The following ACTRT2 variants were observed in gnomAD, a reference collection of about 807,000 sequenced individuals.
ACTRT2 encodes the protein actin related protein T2.
A neutral mutation model predicts 1.2 loss-of-function variants in ACTRT2; 1 was observed. The observed-to-expected ratio is 0.80, with a 90% CI of 0.29 to 3.81. ACTRT2 has a LOEUF of 3.81. Among genes scored for constraint, ACTRT2 ranks in the 30% most tolerant of loss-of-function variants. ACTRT2 has a pLI of 0.18. For missense variants in ACTRT2, 488 were observed against 497.9 expected (o/e 0.98, Z 0.19); for synonymous variants, 262 against 228.9 (o/e 1.14, Z -1.30).
In ACTRT2 at chr1:3,022,326, G is replaced by A. The variant is rs780802847; in HGVS notation, c.640G>A (p.Asp214Asn). The A allele has an allele frequency of 1.2e-6, 2 of 1,612,822 alleles. No individual in the cohort carries two copies. The highest frequency in any genetic ancestry group is 1.7e-6 in the Non-Finnish European group (2 of 1,180,022). Residue 214 changes from aspartate (D) to asparagine (N), a missense_variant, in exon 1 of 1, where the codon GAC (aspartate) becomes AAC (asparagine). Coordinates refer to ENST00000378404, the MANE Select transcript of ACTRT2 (RefSeq NM_080431.5). The surrounding 1 kb of genome is among the most constrained non-coding windows in gnomAD (Gnocchi z 7.7). ...CTGCCAGCTGGACAAGGGTCTCGTG[G>A]ACGACATCAAAAAGAAGCTGTGCTA... ...FPCQLDKGLV[D>N]DIKKKLCYVA...
rs770631081 is a variant in ACTRT2 at position 3,022,666 on chromosome 1, C to T, written c.980C>T (p.Thr327Ile). ...KELEQLASKD[T>I]PIKITAPPDR... The stretch of plus-strand genomic sequence containing the variant: ...CTGGAGCAGCTGGCCTCCAAGGACA[C>T]CCCCATCAAGATCACGGCTCCCCCC... The change falls in exon 1 of 1, where the codon ACC becomes ATC. Residue 327 changes from threonine to isoleucine, a missense_variant. Coordinates refer to ENST00000378404, the MANE Select transcript of ACTRT2 (RefSeq NM_080431.5). This position sits in a 1 kb window ranked among gnomAD's most constrained non-coding sequence, Gnocchi z 7.7. The T allele has an allele frequency of 6.2e-7, 1 of 1,613,356 alleles. No individual in the cohort carries two copies.
At position 3,022,261 on chromosome 1, in the gene ACTRT2, T is replaced by C. The variant is rs1570151260; in HGVS notation, c.575T>C (p.Leu192Pro). ...LHVAGRDITELLMQLLLASGH... is the reference protein window; with the variant it reads ...LHVAGRDITEPLMQLLLASGH... ...GTGGCGGGCAGGGACATCACGGAGC[T>C]CCTCATGCAGCTGCTCCTGGCCAGC... The change falls in exon 1 of 1, where the codon CTC (leucine) becomes CCC (proline). Residue 192 changes from leucine (L) to proline (P), a missense_variant. Leu to Pro is a moderately conservative substitution (Grantham distance 98). Transcript: ENST00000378404. This position sits in a 1 kb window ranked among gnomAD's most constrained non-coding sequence, Gnocchi z 7.7. 6.2e-7 allele frequency: 1 copy of C among 1,612,518 alleles called. No individual in the cohort carries two copies. Among genetic ancestry groups the C allele is most frequent in the African/African-American group, 1.3e-5 (1 of 74,846 alleles).
At position 3,022,148 on chromosome 1, in the gene ACTRT2, C is replaced by T. The variant is rs1641084252; in HGVS notation, c.462C>T (p.Gly154=). The change falls in exon 1 of 1, where the codon GGC becomes GGT. Residue 154 remains glycine, a synonymous_variant. Coordinates refer to ENST00000378404, the MANE Select transcript of ACTRT2 (RefSeq NM_080431.5). This position sits in a 1 kb window ranked among gnomAD's most constrained non-coding sequence, Gnocchi z 7.7. ...LALYASACVT[G]LVVDSGDAVT... is the part of the protein sequence containing the mutation. Reference sequence around the variant, plus strand: ...TCTACGCCTCTGCCTGTGTCACGGGCCTGGTGGTGGACAGCGGGGATGCGG... The same window carrying T: ...TCTACGCCTCTGCCTGTGTCACGGGTCTGGTGGTGGACAGCGGGGATGCGG... 1 of 1,613,084 alleles carries T rather than the reference C, an allele frequency of 6.2e-7. No homozygotes were observed. Among genetic ancestry groups the T allele is most frequent in the Admixed American group, 1.7e-5 (1 of 60,012 alleles).
rs1172660800 is a variant in ACTRT2 at position 3,022,735 on chromosome 1, C to T, written c.1049C>T (p.Ser350Phe). Residue 350 changes from serine (S) to phenylalanine (F), a missense_variant, in exon 1 of 1, where the codon TCT becomes TTT. Coordinates refer to ENST00000378404, the MANE Select transcript of ACTRT2 (RefSeq NM_080431.5). This position sits in a 1 kb window ranked among gnomAD's most constrained non-coding sequence, Gnocchi z 7.7. ...TGGATTGGAGCCTCCATCGTCACCTCTCTGAGTAGCTTCAAGCAGATGTGG... is the reference window on the plus strand; with the variant it reads ...TGGATTGGAGCCTCCATCGTCACCTTTCTGAGTAGCTTCAAGCAGATGTGG... Reference protein sequence around the residue: ...STWIGASIVTSLSSFKQMWVT... With the variant: ...STWIGASIVTFLSSFKQMWVT... The T allele has an allele frequency of 1.2e-6, 2 of 1,613,624 alleles. No homozygotes were observed. Among genetic ancestry groups the T allele is most frequent in the African/African-American group, 2.7e-5 (2 of 74,898 alleles).
Position 3,022,460 on chromosome 1 carries a change from G to A in ACTRT2, c.774G>A (p.Gln258=). Residue 258 remains glutamine (Q), a synonymous_variant, in exon 1 of 1, where the codon CAG becomes CAA. Transcript: ENST00000378404. The surrounding 1 kb of genome is among the most constrained non-coding windows in gnomAD (Gnocchi z 7.7). ...TCAGCCTCGGGGACCCGCTGCACCA[G>A]GCGCCCGAGGCCCTGTTCGTGCCCC... ...NIISLGDPLH[Q]APEALFVPQQ... The A allele has an allele frequency of 6.2e-7, 1 of 1,612,870 alleles. No individual in the cohort carries two copies.
Position 3,022,638 on chromosome 1 carries a change from G to A in ACTRT2, c.952G>A (p.Glu318Lys), listed in dbSNP as rs758905290. The A allele has an allele frequency of 1.2e-6, 2 of 1,613,198 alleles. No homozygotes were observed. Among genetic ancestry groups the A allele is most frequent in the South Asian group, 2.2e-5 (2 of 91,086 alleles). ...CGGGCTGGATGACCGGCTTCTCAAG[G>A]AGCTGGAGCAGCTGGCCTCCAAGGA... is the stretch of plus-strand genomic sequence containing the variant. ...FHGLDDRLLK[E>K]LEQLASKDTP... The change falls in exon 1 of 1, where the codon GAG becomes AAG. Residue 318 changes from glutamate to lysine, a missense_variant. By Grantham distance (56) the Glu-to-Lys change is moderately conservative (BLOSUM62 1). Coordinates refer to ENST00000378404, the MANE Select transcript of ACTRT2 (RefSeq NM_080431.5). This position sits in a 1 kb window ranked among gnomAD's most constrained non-coding sequence, Gnocchi z 7.7.
rs1570150138 is a variant in ACTRT2 at position 3,021,577 on chromosome 1, A to G, written c.-110A>G. On this transcript the variant is annotated 5_prime_UTR_variant, in exon 1 of 1. Transcript: ENST00000378404. Reference sequence around the variant, plus strand: ...CGGGCACGGTGCTAGCCCTGCCTTGAGACACCCCGAGAGCTGTGGGAAGAG... The same window carrying G: ...CGGGCACGGTGCTAGCCCTGCCTTGGGACACCCCGAGAGCTGTGGGAAGAG... 3.5e-6 allele frequency: 5 copies of G among 1,447,120 alleles called. No individual in the cohort carries two copies. The East Asian group carries it at 1.1e-4, about 33-fold the overall frequency. The allele number at this position is 1,447,120 out of a possible 1,614,324, so 89.6% of individuals were successfully genotyped here.
Position 3,022,616 on chromosome 1 carries a change from G to C in ACTRT2, c.930G>C (p.Gly310=). The change falls in exon 1 of 1, where the codon GGG becomes GGC. Residue 310 remains glycine (G), a synonymous_variant. Coordinates refer to ENST00000378404, the MANE Select transcript of ACTRT2 (RefSeq NM_080431.5). The surrounding 1 kb of genome is among the most constrained non-coding windows in gnomAD (Gnocchi z 7.7). ...VLSGGTTLFH[G]LDDRLLKELE... ...CGGGGGGCACTACCCTGTTCCACGG[G>C]CTGGATGACCGGCTTCTCAAGGAGC... 6.2e-7 allele frequency: 1 copy of C among 1,613,170 alleles called. No homozygotes were observed. Among genetic ancestry groups the C allele is most frequent in the South Asian group, 1.1e-5 (1 of 91,078 alleles).
Position 3,022,761 on chromosome 1 carries a change from G to A in ACTRT2, c.1075G>A (p.Val359Ile). The change falls in exon 1 of 1, where the codon GTC becomes ATC. Residue 359 changes from valine (V) to isoleucine (I), a missense_variant. By Grantham distance (29) the Val-to-Ile change is conservative. Coordinates refer to ENST00000378404, the MANE Select transcript of ACTRT2 (RefSeq NM_080431.5). This position sits in a 1 kb window ranked among gnomAD's most constrained non-coding sequence, Gnocchi z 7.7. ...TSLSSFKQMWVTAADFKEFGT... is the reference protein window; with the variant it reads ...TSLSSFKQMWITAADFKEFGT... Reference sequence around the variant, plus strand: ...TCTGAGTAGCTTCAAGCAGATGTGGGTCACCGCCGCAGACTTCAAGGAGTT... The same window carrying A: ...TCTGAGTAGCTTCAAGCAGATGTGGATCACCGCCGCAGACTTCAAGGAGTT... The A allele has an allele frequency of 6.2e-7, 1 of 1,613,846 alleles. No individual in the cohort carries two copies. The highest frequency in any genetic ancestry group is 8.5e-7 in the Non-Finnish European group (1 of 1,180,028).
In ACTRT2 at chr1:3,022,144, C is replaced by G. The variant is rs746811627; in HGVS notation, c.458C>G (p.Thr153Arg). ...VLALYASACV[T>R]GLVVDSGDAV... ...GCTCTCTACGCCTCTGCCTGTGTCA[C>G]GGGCCTGGTGGTGGACAGCGGGGAT... The change falls in exon 1 of 1, where the codon ACG becomes AGG. Residue 153 changes from threonine to arginine, a missense_variant. Coordinates refer to ENST00000378404, the MANE Select transcript of ACTRT2 (RefSeq NM_080431.5). This position sits in a 1 kb window ranked among gnomAD's most constrained non-coding sequence, Gnocchi z 7.7. 9.3e-6 allele frequency: 15 copies of G among 1,613,064 alleles called. No homozygotes were observed. The highest frequency in any genetic ancestry group is 1.7e-5 in the Admixed American group (1 of 60,008).
At position 3,021,596 on chromosome 1, in the gene ACTRT2, G is replaced by A; in HGVS notation, c.-91G>A. 2 of 1,503,252 alleles carry A rather than the reference G, an allele frequency of 1.3e-6. No homozygotes were observed. The highest frequency in any genetic ancestry group is 1.3e-5 in the South Asian group (1 of 75,822). 93.1% of individuals were successfully genotyped at this position (1,503,252 alleles called of 1,614,324 possible). On this transcript the variant is annotated 5_prime_UTR_variant, in exon 1 of 1. Transcript: ENST00000378404. ...GCCTTGAGACACCCCGAGAGCTGTG[G>A]GAAGAGCTGTGGGATCCCCTATTGC...
chr1:3,021,503 C>T lies in ACTRT2; in HGVS notation c.-184C>T, dbSNP rs945374028. The T allele has an allele frequency of 1.1e-5, 9 of 799,368 alleles. No individual in the cohort carries two copies. The highest frequency in any genetic ancestry group is 1.7e-5 in the Non-Finnish European group (9 of 520,650). The allele number at this position is 799,368 out of a possible 1,614,324, so 49.5% of individuals were successfully genotyped here. A position where few individuals can be genotyped will look rare whatever the true frequency, so the allele number is the denominator to read the frequency against. On this transcript the variant is annotated 5_prime_UTR_variant, in exon 1 of 1. Transcript: ENST00000378404. ...CCCCTGGAAGAGGCCTCAGCAGGCC[C>T]AGGCCACCTGGAGGGAGAGCAGACC... is the stretch of plus-strand genomic sequence containing the variant.
rs1290058663 is a variant in ACTRT2, at chr1:3,022,445, G to A, written c.759G>A (p.Gly253=). ...CCGACGGGAACATCATCAGCCTCGG[G>A]GACCCGCTGCACCAGGCGCCCGAGG... is the stretch of plus-strand genomic sequence containing the variant. ...KLPDGNIISL[G]DPLHQAPEAL... Residue 253 remains glycine (G), a synonymous_variant, in exon 1 of 1, where the codon GGG becomes GGA. Coordinates refer to ENST00000378404, the MANE Select transcript of ACTRT2 (RefSeq NM_080431.5). This position sits in a 1 kb window ranked among gnomAD's most constrained non-coding sequence, Gnocchi z 7.7. 5.6e-6 allele frequency: 9 copies of A among 1,612,772 alleles called. No homozygotes were observed. In the East Asian group the frequency reaches 6.7e-5, roughly 12 times the overall value.
chr1:3,021,486 A>G lies in ACTRT2; in HGVS notation c.-201A>G. 1.6e-6 allele frequency: 1 copy of G among 627,760 alleles called. No individual in the cohort carries two copies. The highest frequency in any genetic ancestry group is 2.7e-6 in the Non-Finnish European group (1 of 376,266). 38.9% of individuals were successfully genotyped at this position (627,760 alleles called of 1,614,324 possible). A position where few individuals can be genotyped will look rare whatever the true frequency, so the allele number is the denominator to read the frequency against. ...GGAGACAACCCCCTGGCCCCCTGGA[A>G]GAGGCCTCAGCAGGCCCAGGCCACC... On this transcript the variant is annotated 5_prime_UTR_variant, in exon 1 of 1. Transcript: ENST00000378404.
Position 3,021,631 on chromosome 1 carries a change from C to A in ACTRT2, c.-56C>A, listed in dbSNP as rs1204668895. The A allele has an allele frequency of 3.9e-6, 6 of 1,552,206 alleles. No individual in the cohort carries two copies. The highest frequency in any genetic ancestry group is 2.7e-5 in the African/African-American group (2 of 72,944). On this transcript the variant is annotated 5_prime_UTR_variant, in exon 1 of 1. Coordinates refer to ENST00000378404, the MANE Select transcript of ACTRT2 (RefSeq NM_080431.5). ...TGGGATCCCCTATTGCATCACAAAGCGGCCCTGGAGGGCTGGTCTTTATTT... is the reference window on the plus strand; with the variant it reads ...TGGGATCCCCTATTGCATCACAAAGAGGCCCTGGAGGGCTGGTCTTTATTT...
Position 3,022,206 on chromosome 1 carries a change from T to C in ACTRT2, c.520T>C (p.Ser174Pro), listed in dbSNP as rs1253316191. 1 of 1,613,062 alleles carries C rather than the reference T, an allele frequency of 6.2e-7. No individual in the cohort carries two copies. Among genetic ancestry groups the C allele is most frequent in the East Asian group, 2.2e-5 (1 of 44,876 alleles). The change falls in exon 1 of 1, where the codon TCC becomes CCC. Residue 174 changes from serine (S) to proline (P), a missense_variant. Transcript: ENST00000378404. The surrounding 1 kb of genome is among the most constrained non-coding windows in gnomAD (Gnocchi z 7.7). ...CACTGTCCCCATCTTTGAGGGTTAC[T>C]CCCTGCCCCACGCAGTCACCAAGCT... ...TCTVPIFEGY[S>P]LPHAVTKLHV...
Position 3,022,103 on chromosome 1 carries a change from G to A in ACTRT2, c.417G>A (p.Ser139=), listed in dbSNP as rs572260887. 52 of 1,613,230 alleles carry A rather than the reference G, an allele frequency of 3.2e-5. No individual in the cohort carries two copies. The highest frequency in any genetic ancestry group is 1.3e-4 in the Admixed American group (8 of 60,008). Residue 139 remains serine (S), a synonymous_variant, in exon 1 of 1, where the codon TCG becomes TCA. Coordinates refer to ENST00000378404, the MANE Select transcript of ACTRT2 (RefSeq NM_080431.5). This position sits in a 1 kb window ranked among gnomAD's most constrained non-coding sequence, Gnocchi z 7.7. ...ENFGVPAFYL[S]DQAVLALYAS... ...TCGGCGTGCCCGCTTTCTACCTGTC[G>A]GACCAGGCGGTGCTGGCTCTCTACG...
chr1:3,022,079 C>T lies in ACTRT2; in HGVS notation c.393C>T (p.Phe131=), dbSNP rs751904373. The change falls in exon 1 of 1, where the codon TTC becomes TTT. Residue 131 remains phenylalanine, a synonymous_variant. Coordinates refer to ENST00000378404, the MANE Select transcript of ACTRT2 (RefSeq NM_080431.5). The surrounding 1 kb of genome is among the most constrained non-coding windows in gnomAD (Gnocchi z 7.7). The stretch of plus-strand genomic sequence containing the variant: ...TGGCAGAAGTCATGTTCGAGAACTT[C>T]GGCGTGCCCGCTTTCTACCTGTCGG... ...EKMAEVMFEN[F]GVPAFYLSDQ... is the part of the protein sequence containing the mutation. 23 of 1,613,378 alleles carry T rather than the reference C, an allele frequency of 1.4e-5. No homozygotes were observed. Among genetic ancestry groups the T allele is most frequent in the Admixed American group, 1.3e-4 (8 of 60,010 alleles).
Position 3,022,833 on chromosome 1 carries a change from G to T in ACTRT2, c.*13G>T. On this transcript the variant is annotated 3_prime_UTR_variant, in exon 1 of 1. Transcript: ENST00000378404. This position sits in a 1 kb window ranked among gnomAD's most constrained non-coding sequence, Gnocchi z 7.7. Reference sequence around the variant, plus strand: ...AAGATGCTTCTGAAGGCCGCTTCTCGTTGGGTACCGTGGGGGGTGAACCCT... The same window carrying T: ...AAGATGCTTCTGAAGGCCGCTTCTCTTTGGGTACCGTGGGGGGTGAACCCT... 1 of 1,595,834 alleles carries T rather than the reference G, an allele frequency of 6.3e-7. No homozygotes were observed. The highest frequency in any genetic ancestry group is 8.6e-7 in the Non-Finnish European group (1 of 1,168,078).
Sources: gnomAD v4.1 joint callset for allele counts on GRCh38, gnomAD v4.1.1 for gene constraint, Gnocchi (gnomAD v3.1) non-coding constraint, MANE v1.5 for transcripts, NCBI Gene and HGNC (gene_info 2026-07-23, HGNC 2026-07-21) for gene names.